FN1: variants seen among roughly 807,000 people sequenced by gnomAD.
FN1 encodes the protein fibronectin 1, also known as fibronectin.
In FN1, 106 loss-of-function variants were observed where a neutral mutation model predicts 297.3. That is an observed-to-expected ratio of 0.36 (90% CI 0.30 to 0.42). FN1 has a LOEUF of 0.42. Ranked by LOEUF, FN1 falls within the 10% of genes least tolerant of loss-of-function variation. The pLI, the probability that FN1 is intolerant of heterozygous loss-of-function variation, is 1.00. For missense variants in FN1, 2,690 were observed against 3,124.9 expected, an observed-to-expected ratio of 0.86 and a Z score of 3.32; for synonymous variants, 1,149 against 1,152.6, an observed-to-expected ratio of 1.00 and a Z score of 0.06.
At chr2:215,433,929 C>T (rs111415420) in intron 2 of FN1, among the ~76,000 whole-genome samples, 33,358 of 152,094 alleles carry the variant, frequency 0.22, 3,975 homozygotes, top group Non-Finnish European at 0.25. Context: ...CGGTGAAACC[C>T]CGTCTCTACT....
intron 20 of FN1, among the ~76,000 whole-genome samples, chr2:215,401,202 G>GAAAT: frequency 1.8e-4 from 4 of 22,558 alleles, no homozygotes. Flanking sequence ...AGAAAGAAAA[G>GAAAT]AAAGAAAGAA....
At chr2:215,365,434 TGA>T (rs2106145964) in intron 43 of FN1, 69 bp downstream of exon 43, 1 of 1,493,862 alleles carries the variant, frequency 6.7e-7, no homozygotes, top group East Asian at 2.3e-5. Context: ...TTTCTGTGAA[TGA>T]GAGTTACAGC....
Position 215,365,480 on chromosome 2 carries a change from C to G in FN1, c.7144+25G>C, listed in dbSNP as rs2054345967. 3.1e-6 allele frequency: 5 copies of G among 1,612,738 alleles called. No homozygotes were observed. The East Asian group carries it at 1.1e-4, about 36-fold the overall frequency. ...GAAAGTGAGAATGCTTAATAAGGCA[C>G]TAAAAATGATCTGTGATGACATACG... is the stretch of plus-strand genomic sequence containing the variant. On this transcript the variant is annotated intron_variant, in intron 43 of 45. Transcript: ENST00000354785.
rs2059884344 is a variant in FN1 at position 215,393,018 on chromosome 2, G to A, written c.3982C>T (p.Leu1328=). The A allele has an allele frequency of 2.5e-6, 4 of 1,614,004 alleles. No homozygotes were observed. The highest frequency in any genetic ancestry group is 3.4e-6 in the Non-Finnish European group (4 of 1,179,998). Residue 1328 remains leucine, a synonymous_variant, in exon 25 of 46, where the codon CTG becomes TTG. Transcript: ENST00000354785. ...ATATCATAGTCAATGCCCGGCTCCA[G>A]CCCTGTGACTGTGTAGTATCCTACT... ...SSVGYYTVTG[L]EPGIDYDISV... is the part of the protein sequence containing the mutation.
At chr2:215,399,980 G>C (rs752317258) in intron 20 of FN1, among the ~76,000 whole-genome samples, 3 of 152,066 alleles carry the variant, frequency 2.0e-5, no homozygotes, top group Non-Finnish European at 4.4e-5. Context: ...TTGAGGTCAG[G>C]AGTTCGAGAC....
intron 5 of FN1, 137 bp downstream of exon 5, chr2:215,430,578 G>C: frequency 1.0e-6 from 1 of 973,868 alleles, no homozygotes; most frequent in South Asian, 1.5e-5. Context: ...GGTTATGAAA[G>C]TTTTCTTGAC....
chr2:215,431,847 G>C lies in FN1; in HGVS notation c.533C>G (p.Thr178Ser), dbSNP rs2066575267. 6.2e-7 allele frequency: 1 copy of C among 1,614,002 alleles called. No homozygotes were observed. Among genetic ancestry groups the C allele is most frequent in the African/African-American group, 1.3e-5 (1 of 74,890 alleles). Residue 178 changes from threonine to serine, a missense_variant, in exon 4 of 46, where the codon ACC becomes AGC. Physicochemically the swap from Thr to Ser is moderately conservative, Grantham distance 58. Coordinates refer to ENST00000354785, the MANE Select transcript of FN1 (RefSeq NM_212482.4). ...VCLGNGKGEW[T>S]CKPIAEKCFD... ...GACTCACACACCTATGGGCTTGCAGGTCCATTCTCCTTTTCCATTACCAAG... is the reference window on the plus strand; with the variant it reads ...GACTCACACACCTATGGGCTTGCAGCTCCATTCTCCTTTTCCATTACCAAG...
At chr2:215,368,713 A>G (rs1406442198) in intron 41 of FN1, among the ~76,000 whole-genome samples, 1 of 152,210 alleles carries the variant, frequency 6.6e-6, no homozygotes, top group East Asian at 1.9e-4. Context: ...GTGGTGAGAC[A>G]GCTTTATCAG....
At chr2:215,367,680 C>T (rs1229488583) in intron 42 of FN1, 183 bp downstream of exon 42, 1 of 661,694 alleles carries the variant, frequency 1.5e-6, no homozygotes, top group Non-Finnish European at 2.7e-6. Context: ...CAATGTCCAA[C>T]AAGTAAAATT....
chr2:215,421,396 G>A (rs1039827884), intron 10 of FN1: 14 of 177,720 alleles, frequency 7.9e-5, no homozygotes, highest in Non-Finnish European at 1.7e-4. Flanking sequence ...ATAGAGTGAG[G>A]TCTCTATGTG....
chr2:215,415,578 A>G (rs948921801), intron 12 of FN1, among the ~76,000 whole-genome samples: 6 of 152,174 alleles, frequency 3.9e-5, no homozygotes, highest in Admixed American at 3.3e-4. Flanking sequence ...TTATTCAAGA[A>G]GTTTACTCCC....
At chr2:215,430,640 T>C (rs1049390799) in intron 5 of FN1, 75 bp downstream of exon 5, 27 of 1,537,888 alleles carry the variant, frequency 1.8e-5, no homozygotes, top group East Asian at 2.3e-5. Flanking sequence ...CTGAGTAACA[T>C]AGTATTACCC....
In FN1 at chr2:215,379,190, T is replaced by A. The variant is rs1426137436; in HGVS notation, c.5562A>T (p.Gly1854=). 1.2e-6 allele frequency: 2 copies of A among 1,614,060 alleles called. No individual in the cohort carries two copies. Among genetic ancestry groups the A allele is most frequent in the East Asian group, 4.5e-5 (2 of 44,858 alleles). The change falls in exon 34 of 46, where the codon GGA becomes GGT. Residue 1854 remains glycine (G), a synonymous_variant. Transcript: ENST00000354785. ...GAGCAAGGTTGATTTCTTTCATTGG[T>A]CCGGTCTTCTCCTTGGGGGTCACCC... ...RVRVTPKEKT[G]PMKEINLAPD...
intron 10 of FN1, among the ~76,000 whole-genome samples, chr2:215,421,579 A>G (rs2064374431): frequency 6.6e-6 from 1 of 152,240 alleles, no homozygotes; most frequent in African/African-American, 2.4e-5. Context: ...ATATCAAAGA[A>G]ATGGAAAACT....
intron 11 of FN1, 50 bp downstream of exon 11, chr2:215,420,623 G>A (rs1220116340): frequency 6.2e-7 from 1 of 1,610,400 alleles, no homozygotes; most frequent in Non-Finnish European, 8.5e-7. Context: ...TCTGAAACTT[G>A]CTAACCATTC....
rs762963114 is a variant in FN1, at chr2:215,404,521, G to T, written c.3121C>A (p.Gln1041Lys). 3.1e-6 allele frequency: 5 copies of T among 1,613,964 alleles called. No homozygotes were observed. In the Admixed American group the frequency reaches 6.7e-5, roughly 22 times the overall value. The change falls in exon 20 of 46, where the codon CAG becomes AAG. Residue 1041 changes from glutamine (Q) to lysine (K), a missense_variant. Physicochemically the swap from Gln to Lys is moderately conservative, Grantham distance 53. This residue lies in a region of FN1 where 1,743 missense variants were observed against 1,945.2 expected (regional missense o/e 0.90). Coordinates refer to ENST00000354785, the MANE Select transcript of FN1 (RefSeq NM_212482.4). ...VGLTRRGQPR[Q>K]YNVGPSVSKY... Reference sequence around the variant, plus strand: ...GAGACAGAGGGACCCACATTGTACTGCCTGGGCTGTCCTCTTCGGGTAAGG... The same window carrying T: ...GAGACAGAGGGACCCACATTGTACTTCCTGGGCTGTCCTCTTCGGGTAAGG...
chr2:215,435,378 T>C (rs1031086437), intron 1 of FN1, among the ~76,000 whole-genome samples: 1 of 152,166 alleles, frequency 6.6e-6, no homozygotes, highest in African/African-American at 2.4e-5. Flanking sequence ...AAGGCAAGTT[T>C]TGGTTAATTC....
At chr2:215,415,888 ATCTT>A (rs879803101) in intron 12 of FN1, among the ~76,000 whole-genome samples, 16 of 151,954 alleles carry the variant, frequency 1.1e-4, no homozygotes, top group African/African-American at 3.9e-4. Context: ...TTAAAACACT[ATCTT>A]TATGATGTCA....
intron 44 of FN1, chr2:215,364,646 T>C (rs1488508733): frequency 8.5e-6 from 5 of 586,674 alleles, no homozygotes; most frequent in Non-Finnish European, 1.5e-5. Context: ...TTTGGTACTC[T>C]ACATGCCATT....
Sources: gnomAD v4.1 joint callset for allele counts (sites outside exome capture counted in the v4.1 genomes callset) on GRCh38, gnomAD v4.1.1 for gene constraint, gnomAD v4.1.1 regional missense constraint, MANE v1.5 for transcripts, NCBI Gene and HGNC (gene_info 2026-07-23, HGNC 2026-07-21) for gene names.